The following OPA1 variants were observed in gnomAD, a reference collection of about 807,000 sequenced individuals.
OPA1 encodes OPA1 mitochondrial dynamin like GTPase, also known as dynamin-like GTPase OPA1, mitochondrial.
In OPA1, 59 loss-of-function variants were observed where a neutral mutation model predicts 152.9. The observed-to-expected ratio is 0.39, with a 90% CI of 0.31 to 0.48. The LOEUF (loss-of-function observed/expected upper bound fraction) is 0.48, where lower values mean the gene tolerates loss of function less well. OPA1 is among the 20% of genes least tolerant of loss of function. OPA1 has a pLI of 0.96. For synonymous variants in OPA1, 400 were observed against 389.9 expected (o/e 1.03, Z -0.31); for missense variants, 1,008 against 1,216.8 (o/e 0.83, Z 2.55).
chr3:193,618,936 G>A lies in OPA1; in HGVS notation c.678G>A (p.Lys226=), dbSNP rs1212652193. The change falls in exon 6 of 31, where the codon AAG becomes AAA. Residue 226 remains lysine, a splice_region_variant and synonymous_variant. Transcript: ENST00000361510. ...CTGAAAGTGACAAGCATTTTAGAAA[G>A]GTAAGTGTAAAAGAGAATTGTTCAT... ...RGSESDKHFR[K]GLLGELILLQ... 5.6e-6 allele frequency: 9 copies of A among 1,611,760 alleles called. No homozygotes were observed. The highest frequency in any genetic ancestry group is 1.3e-5 in the African/African-American group (1 of 74,874).
At chr3:193,608,850 A>G (rs1339301255) in intron 1 of OPA1, among the ~76,000 whole-genome samples, 2 of 152,042 alleles carry the variant, frequency 1.3e-5, no homozygotes, top group Non-Finnish European at 2.9e-5. Flanking sequence ...GTCTCTTTGT[A>G]GGTCACTCAG....
At chr3:193,663,017 A>G (rs1455143337) in intron 26 of OPA1, 55 bp downstream of exon 26, 1 of 1,572,410 alleles carries the variant, frequency 6.4e-7, no homozygotes, top group Admixed American at 1.7e-5. Context: ...TGTTTCTTGC[A>G]GTAAATGTTA....
intron 1 of OPA1, among the ~76,000 whole-genome samples, chr3:193,604,870 A>AG (rs1727007846): frequency 9.9e-6 from 1 of 100,778 alleles, no homozygotes; most frequent in African/African-American, 4.4e-5. Flanking sequence ...CAAAAAAAAA[A>AG]AAAAAGAAAA....
At chr3:193,645,375 T>C (rs1560376968) in intron 16 of OPA1, among the ~76,000 whole-genome samples, 178 bp from the exon 17 acceptor site, 2 of 152,212 alleles carry the variant, frequency 1.3e-5, no homozygotes. Context: ...ATTTTCAATG[T>C]AGTAAAATTA....
At chr3:193,629,625 A>G (rs987112202) in intron 7 of OPA1, among the ~76,000 whole-genome samples, 1 of 152,048 alleles carries the variant, frequency 6.6e-6, no homozygotes, top group African/African-American at 2.4e-5. Flanking sequence ...GCGTGACCCC[A>G]GGAGGCAGAG....
At chr3:193,636,034 A>G (rs1484743497) in intron 9 of OPA1, among the ~76,000 whole-genome samples, 1 of 152,194 alleles carries the variant, frequency 6.6e-6, no homozygotes, top group Non-Finnish European at 1.5e-5. Flanking sequence ...TTATTTACCA[A>G]TAAATCAAGT....
In OPA1 at chr3:193,676,979, C is replaced by CAA. The variant is rs151218523; in HGVS notation, c.2983+9723_2983+9724dup. Among the ~76,000 whole-genome samples, 304 of 70,564 alleles carry CAA rather than the reference C, an allele frequency of 4.3e-3. 8 individuals carry two copies. The highest frequency in any genetic ancestry group is 0.01 in the African/African-American group (184 of 17,544). The allele number at this position is 70,564 out of a possible 152,430, so 46.3% of individuals were successfully genotyped here. On this transcript the variant is annotated intron_variant, in intron 29 of 30. Transcript: ENST00000361510. ...CTGGGTGACAGAGCAAGACTCGTCT[C>CAA]AAAAAAAAAAAAAAAAAAAAAAAAA... is the stretch of plus-strand genomic sequence containing the variant.
At chr3:193,638,624 G>A (rs924458089) in intron 11 of OPA1, among the ~76,000 whole-genome samples, 2 of 152,116 alleles carry the variant, frequency 1.3e-5, no homozygotes, top group African/African-American at 4.8e-5. Flanking sequence ...CATCAGAATC[G>A]TCCCAATCAT....
intron 11 of OPA1, among the ~76,000 whole-genome samples, chr3:193,640,517 C>A (rs1038658298): frequency 6.6e-6 from 1 of 152,116 alleles, no homozygotes; most frequent in Non-Finnish European, 1.5e-5. Context: ...CTGATTGCTT[C>A]CGCTTACTCA....
intron 8 of OPA1, among the ~76,000 whole-genome samples, chr3:193,633,473 A>G (rs1381848385): frequency 2.6e-5 from 4 of 152,142 alleles, no homozygotes; most frequent in African/African-American, 9.7e-5. Flanking sequence ...TGGAAATTCT[A>G]CCCTCTTATA....
chr3:193,676,781 C>T (rs569817838), intron 29 of OPA1, among the ~76,000 whole-genome samples: 15 of 152,206 alleles, frequency 9.9e-5, no homozygotes, highest in Admixed American at 4.6e-4. Context: ...GAGATCCAGA[C>T]CATCCTGGCT....
intron 6 of OPA1, among the ~76,000 whole-genome samples, chr3:193,621,803 G>C (rs897491052): frequency 3.9e-5 from 6 of 152,178 alleles, no homozygotes; most frequent in Non-Finnish European, 7.3e-5. Context: ...CTGAGACTCG[G>C]AGACCTTCAG....
chr3:193,678,879 A>G (rs1719639063), intron 29 of OPA1, among the ~76,000 whole-genome samples: 1 of 152,318 alleles, frequency 6.6e-6, no homozygotes, highest in South Asian at 2.1e-4. Context: ...CATGCAGTCT[A>G]GTAGCTACTG....
At chr3:193,681,585 A>C (rs1354028429) in intron 29 of OPA1, among the ~76,000 whole-genome samples, 1 of 152,180 alleles carries the variant, frequency 6.6e-6, no homozygotes, top group East Asian at 1.9e-4. Flanking sequence ...CTTCACAGTT[A>C]TTGCATTTTT....
chr3:193,615,032 A>G lies in OPA1; in HGVS notation c.342A>G (p.Thr114=), dbSNP rs767052287. The G allele has an allele frequency of 1.9e-6, 3 of 1,613,188 alleles. No individual in the cohort carries two copies. The highest frequency in any genetic ancestry group is 2.7e-5 in the African/African-American group (2 of 74,916). ...ILGSAVGGGY[T]AKKTFDQWKD... is the part of the protein sequence containing the mutation. Reference sequence around the variant, plus strand: ...GATCGGCTGTTGGGGGTGGCTACACAGCCAAAAAGGTGAACTTGACATTCC... The same window carrying G: ...GATCGGCTGTTGGGGGTGGCTACACGGCCAAAAAGGTGAACTTGACATTCC... The change falls in exon 2 of 31, where the codon ACA becomes ACG. Residue 114 remains threonine (T), a synonymous_variant. Coordinates refer to ENST00000361510, the MANE Select transcript of OPA1 (RefSeq NM_130837.3).
intron 6 of OPA1, among the ~76,000 whole-genome samples, chr3:193,624,926 T>A (rs996934649): frequency 6.6e-6 from 1 of 152,322 alleles, no homozygotes; most frequent in Middle Eastern, 3.4e-3. Flanking sequence ...ATTTAGAATA[T>A]CTTAATAAAT....
chr3:193,626,898 G>A lies in OPA1; in HGVS notation c.789+696G>A, dbSNP rs73205345. The stretch of plus-strand genomic sequence containing the variant: ...GGCTGTTGGTGCAATCAGCAGGTCC[G>A]TAAAAATATGATTTTAATGGTTAGG... On this transcript the variant is annotated intron_variant, in intron 7 of 30. Transcript: ENST00000361510. Among the ~76,000 whole-genome samples, 408 of 152,214 alleles carry A rather than the reference G, an allele frequency of 2.7e-3. 3 individuals carry two copies. Among genetic ancestry groups the A allele is most frequent in the African/African-American group, 8.8e-3 (366 of 41,544 alleles).
intron 1 of OPA1, among the ~76,000 whole-genome samples, chr3:193,599,732 A>C (rs1726173210): frequency 6.6e-6 from 1 of 152,218 alleles, no homozygotes; most frequent in Admixed American, 6.5e-5. Flanking sequence ...ATAGAATTAA[A>C]AGAAAACTTC....
chr3:193,676,983 A>AGG (rs1560064091), intron 29 of OPA1, among the ~76,000 whole-genome samples: 10 of 135,050 alleles, frequency 7.4e-5, no homozygotes, highest in Non-Finnish European at 1.4e-4. Context: ...TCGTCTCAAA[A>AGG]AAAAAAAAAA....
Sources: allele counts gnomAD v4.1 joint callset (sites outside exome capture counted in the v4.1 genomes callset), GRCh38; gene constraint gnomAD v4.1.1; transcripts MANE v1.5; gene names NCBI Gene and HGNC (gene_info 2026-07-23, HGNC 2026-07-21).